Variants in MTDH observed in about 807,000 individuals in gnomAD.
MTDH encodes protein LYRIC.
In MTDH, 34 loss-of-function variants were observed where a neutral mutation model predicts 72.7. That is an observed-to-expected ratio of 0.47 (90% CI 0.36 to 0.62). The LOEUF (loss-of-function observed/expected upper bound fraction) is 0.62. Among genes scored for constraint, MTDH ranks in the 20% least tolerant of loss-of-function variants. MTDH has a pLI of 0.00. For missense variants in MTDH, 677 were observed against 699.4 expected (o/e 0.97, Z 0.36); for synonymous variants, 266 against 268.9 (o/e 0.99, Z 0.10).
chr8:97,690,865 A>T, intron 5 of MTDH, 87 bp from the exon 6 acceptor site: 1 of 925,152 alleles, frequency 1.1e-6, no homozygotes, highest in Non-Finnish European at 1.6e-6. Context: ...TAATAAATAT[A>T]AGTCAAGCAA....
intron 7 of MTDH, among the ~76,000 whole-genome samples, chr8:97,706,184 G>A (rs2131046722): frequency 6.6e-6 from 1 of 152,272 alleles, no homozygotes; most frequent in Admixed American, 6.5e-5. Flanking sequence ...GATAGGAGAG[G>A]TGTAGTATAA....
At chr8:97,699,122 T>C (rs1409325003) in intron 6 of MTDH, among the ~76,000 whole-genome samples, 4 of 152,130 alleles carry the variant, frequency 2.6e-5, no homozygotes, top group African/African-American at 7.2e-5. Context: ...ACCCCATCTC[T>C]ACAAAAAATA....
chr8:97,725,589 TCAGA>T lies in MTDH; in HGVS notation c.*923_*926del, dbSNP rs1408462043. On this transcript the variant is annotated 3_prime_UTR_variant, in exon 12 of 12. Transcript: ENST00000336273. ...TATGATGGAGAATGAAAAACTAGAG[TCAGA>T]CAGCTTTAATTGACATTGTCAACAC... The T allele has an allele frequency of 6.6e-6, 1 of 152,442 alleles. No individual in the cohort carries two copies. The highest frequency in any genetic ancestry group is 1.5e-5 in the Non-Finnish European group (1 of 67,992). 9.4% of individuals were successfully genotyped at this position (152,442 alleles called of 1,614,324 possible).
At chr8:97,718,294 C>CA (rs1257554141) in intron 9 of MTDH, among the ~76,000 whole-genome samples, 1 of 152,158 alleles carries the variant, frequency 6.6e-6, no homozygotes, top group Non-Finnish European at 1.5e-5. Flanking sequence ...CTGCCTGCCT[C>CA]AGCCTCCCAA....
chr8:97,723,526 T>G (rs1289831654), intron 11 of MTDH, among the ~76,000 whole-genome samples: 40 of 148,036 alleles, frequency 2.7e-4, no homozygotes, highest in South Asian at 1.7e-3. Context: ...GGCGGATCAC[T>G]AGGTCAGGAG....
At chr8:97,679,416 C>T (rs1374906664) in intron 2 of MTDH, among the ~76,000 whole-genome samples, 2 of 152,012 alleles carry the variant, frequency 1.3e-5, no homozygotes, top group Admixed American at 6.6e-5. Context: ...AATACAGAAA[C>T]AATGTATTGA....
intron 10 of MTDH, among the ~76,000 whole-genome samples, chr8:97,720,694 T>C (rs1416160555): frequency 2.0e-5 from 3 of 147,982 alleles, no homozygotes; most frequent in African/African-American, 5.0e-5. Context: ...TTGCCCAGGC[T>C]GGAGTGCAGT....
chr8:97,708,228 G>GTGCTGGGA (rs1563562578), intron 8 of MTDH, among the ~76,000 whole-genome samples: 1 of 140,862 alleles, frequency 7.1e-6, no homozygotes, highest in African/African-American at 2.7e-5. Context: ...GCCTCCCAAA[G>GTGCTGGGA]TGCTGGGATT....
At chr8:97,706,586 C>A in intron 7 of MTDH, 40 bp from the exon 8 acceptor site, 1 of 1,461,444 alleles carries the variant, frequency 6.8e-7, no homozygotes, top group South Asian at 1.5e-5. Context: ...TAATTTATGG[C>A]AAAAATGATA....
intron 6 of MTDH, among the ~76,000 whole-genome samples, chr8:97,696,567 A>G (rs1813840651): frequency 6.6e-6 from 1 of 152,176 alleles, no homozygotes; most frequent in Non-Finnish European, 1.5e-5. Context: ...CCTTCCATTC[A>G]GGTTCATATT....
chr8:97,703,899 G>A (rs1814241335), intron 7 of MTDH, among the ~76,000 whole-genome samples: 1 of 152,096 alleles, frequency 6.6e-6, no homozygotes, highest in Non-Finnish European at 1.5e-5. Context: ...GTTGATAATA[G>A]AGCCCATTAA....
intron 10 of MTDH, 49 bp from the exon 11 acceptor site, chr8:97,722,830 T>C (rs1365861377): frequency 1.3e-6 from 2 of 1,555,092 alleles, no homozygotes; most frequent in East Asian, 2.3e-5. Context: ...ATTTAAACTT[T>C]ATTTGAAAAT....
At chr8:97,695,898 T>C (rs1813815756) in intron 6 of MTDH, among the ~76,000 whole-genome samples, 1 of 152,230 alleles carries the variant, frequency 6.6e-6, no homozygotes, top group African/African-American at 2.4e-5. Context: ...CAGCTTGGTA[T>C]AGTGGAAAAG....
intron 2 of MTDH, among the ~76,000 whole-genome samples, chr8:97,664,926 A>AT (rs1229317822): frequency 1.3e-5 from 2 of 151,892 alleles, no homozygotes; most frequent in Non-Finnish European, 2.9e-5. Context: ...ACGCCCAGCT[A>AT]TTTTTTGTAT....
intron 2 of MTDH, among the ~76,000 whole-genome samples, chr8:97,672,962 A>G (rs138751600): frequency 1.3e-5 from 2 of 152,300 alleles, no homozygotes; most frequent in East Asian, 3.9e-4. Flanking sequence ...CATGTATACA[A>G]ATATAGTAGC....
chr8:97,673,804 G>A (rs1812731171), intron 2 of MTDH, among the ~76,000 whole-genome samples: 1 of 150,550 alleles, frequency 6.6e-6, no homozygotes, highest in African/African-American at 2.4e-5. Context: ...GCAAAACCCT[G>A]TCTCTACCAA....
intron 1 of MTDH, among the ~76,000 whole-genome samples, chr8:97,655,427 A>G (rs928265913): frequency 1.3e-5 from 2 of 152,248 alleles, no homozygotes; most frequent in African/African-American, 4.8e-5. Context: ...TGCTGCCTCT[A>G]GAGCAAGCCT....
chr8:97,685,855 A>G (rs951812204), intron 2 of MTDH, among the ~76,000 whole-genome samples: 3 of 152,180 alleles, frequency 2.0e-5, no homozygotes, highest in African/African-American at 7.2e-5. Context: ...ATACTATTTT[A>G]TAAACGTTAA....
chr8:97,644,755 G>C lies in MTDH; in HGVS notation c.249G>C (p.Arg83Ser), dbSNP rs760906317. 2 of 1,565,366 alleles carry C rather than the reference G, an allele frequency of 1.3e-6. No homozygotes were observed. The highest frequency in any genetic ancestry group is 1.7e-6 in the Non-Finnish European group (2 of 1,164,258). Residue 83 changes from arginine to serine, a missense_variant, in exon 1 of 12, where the codon AGG (arginine) becomes AGC (serine). Arg to Ser is a moderately radical substitution (Grantham distance 110). Transcript: ENST00000336273. ...AACAGARKKR[R>S]SPPRKREEAA... ...GCGCCGGCGCCCGCAAAAAGCGGAG[G>C]AGCCCGCCCCGCAAGCGGGAGGAGG...
Sources: gnomAD v4.1 joint callset for allele counts (sites outside exome capture counted in the v4.1 genomes callset) on GRCh38, gnomAD v4.1.1 for gene constraint, MANE v1.5 for transcripts, NCBI Gene and HGNC (gene_info 2026-07-23, HGNC 2026-07-21) for gene names.